CDYL: variants seen among roughly 807,000 people sequenced by gnomAD.
CDYL encodes the protein chromodomain Y-like protein.
Under a neutral mutation model 47.3 loss-of-function variants are expected in CDYL, and 8 were observed. The observed-to-expected ratio is 0.17, with a 90% CI of 0.10 to 0.31. The LOEUF is 0.31. Among genes scored for constraint, CDYL ranks in the 10% least tolerant of loss-of-function variants. The pLI is 1.00. For synonymous variants in CDYL, 266 were observed against 265.0 expected (o/e 1.00, Z -0.04); for missense variants, 471 against 701.4 (o/e 0.67, Z 3.71).
At chr6:4,887,326 T>G (rs1222250249) in intron 1 of CDYL, among the ~76,000 whole-genome samples, 1 of 152,224 alleles carries the variant, frequency 6.6e-6, no homozygotes, top group Non-Finnish European at 1.5e-5. Flanking sequence ...CCCAAATCCA[T>G]GAACATGGAA....
intron 1 of CDYL, among the ~76,000 whole-genome samples, chr6:4,882,258 G>A (rs908131292): frequency 3.9e-5 from 6 of 152,228 alleles, no homozygotes; most frequent in African/African-American, 1.4e-4. Flanking sequence ...GAGGAGGATG[G>A]GAGTCTCATG....
intron 5 of CDYL, among the ~76,000 whole-genome samples, chr6:4,951,372 C>T (rs1296895891): frequency 2.6e-5 from 4 of 151,988 alleles, no homozygotes; most frequent in Admixed American, 1.3e-4. Context: ...CGCCTTATCT[C>T]GGCATCTGTG....
At chr6:4,773,340 A>T (rs1041660399), upstream of CDYL, among the ~76,000 whole-genome samples, 1 of 152,066 alleles carries the variant, frequency 6.6e-6, no homozygotes, top group South Asian at 2.1e-4. This position sits in a 1 kb window ranked among gnomAD's most constrained non-coding sequence, Gnocchi z 4.6. Context: ...TGCTTAGGGG[A>T]TGTGATTTCA....
intron 3 of CDYL, among the ~76,000 whole-genome samples, chr6:4,763,776 C>G (rs1354384687): frequency 6.6e-6 from 1 of 152,146 alleles, no homozygotes; most frequent in East Asian, 1.9e-4. Context: ...AACCTCATCT[C>G]TACTAAAAAT....
intron 4 of CDYL, among the ~76,000 whole-genome samples, chr6:4,941,475 C>T (rs1758358994): frequency 6.6e-6 from 1 of 152,196 alleles, no homozygotes; most frequent in Non-Finnish European, 1.5e-5. Flanking sequence ...TTCAGAATGG[C>T]CAGTTCCCAT....
At chr6:4,780,321 C>T in intron 1 of CDYL, among the ~76,000 whole-genome samples, 1 of 150,066 alleles carries the variant, frequency 6.7e-6, no homozygotes, top group South Asian at 2.2e-4. Context: ...CAACCTCTGC[C>T]TCCCGGGTTC....
chr6:4,776,261 C>G (rs963123995), upstream of CDYL, among the ~76,000 whole-genome samples: 223 of 144,648 alleles, frequency 1.5e-3, 2 homozygotes, highest in Admixed American at 4.7e-3. Flanking sequence ...CCGAGCGGAG[C>G]CCACTGCTCC....
intron 4 of CDYL, among the ~76,000 whole-genome samples, chr6:4,942,020 A>G (rs1199007155): frequency 6.6e-6 from 1 of 152,206 alleles, no homozygotes; most frequent in Non-Finnish European, 1.5e-5. Flanking sequence ...CCATATCTTC[A>G]AAAGATGACA....
At chr6:4,829,531 C>T (rs1187654625) in intron 1 of CDYL, among the ~76,000 whole-genome samples, 1 of 152,198 alleles carries the variant, frequency 6.6e-6, no homozygotes, top group African/African-American at 2.4e-5. Context: ...TCTGAGCGTG[C>T]ATCTTGCCCT....
At chr6:4,831,176 T>A (rs1041676159) in intron 1 of CDYL, among the ~76,000 whole-genome samples, 1 of 152,168 alleles carries the variant, frequency 6.6e-6, no homozygotes, top group Admixed American at 6.5e-5. Flanking sequence ...GAGGAATTAA[T>A]GCCTAGGTTT....
At position 4,882,227 on chromosome 6, in the gene CDYL, C is replaced by T. The variant is rs541886242; in HGVS notation, c.25-9486C>T. ...GCAAGCTCACTTGTTAGCTTCTGTC[C>T]TCCTTGTGGTTTTTCTCAAAGAGGA... On this transcript the variant is annotated intron_variant, in intron 1 of 6. Transcript: ENST00000397588. 3.2e-4 allele frequency among the ~76,000 whole-genome samples: 48 copies of T among 152,300 alleles called. 1 individual carries two copies. In the South Asian group the frequency reaches 5.4e-3, roughly 17 times the overall value.
At chr6:4,734,644 A>C in intron 2 of CDYL, 1 of 1,345,172 alleles carries the variant, frequency 7.4e-7, no homozygotes, top group Non-Finnish European at 9.9e-7. Flanking sequence ...TAGACTCCTA[A>C]TTCAGGAAGG....
At chr6:4,726,719 A>G (rs1757521675) in intron 2 of CDYL, among the ~76,000 whole-genome samples, 1 of 151,976 alleles carries the variant, frequency 6.6e-6, no homozygotes, top group African/African-American at 2.4e-5. Flanking sequence ...AAAAAGTCGA[A>G]TAAATGTATC....
chr6:4,909,518 C>T (rs1424001680), intron 2 of CDYL, among the ~76,000 whole-genome samples: 2 of 152,196 alleles, frequency 1.3e-5, no homozygotes, highest in Admixed American at 1.3e-4. Flanking sequence ...TATTACTGCC[C>T]TGCTTAAGGG....
chr6:4,776,290 G>T (rs916264318), upstream of CDYL: 1 of 143,726 alleles, frequency 7.0e-6, no homozygotes, highest in African/African-American at 2.5e-5. Flanking sequence ...GCCCCGCCCC[G>T]CCGCCGCCCC....
chr6:4,947,770 A>G (rs937364346), intron 5 of CDYL, among the ~76,000 whole-genome samples: 6 of 152,162 alleles, frequency 3.9e-5, no homozygotes, highest in Non-Finnish European at 5.9e-5. Flanking sequence ...GCAGAAAGGA[A>G]GCAGGATTGG....
At chr6:4,809,180 G>A (rs1363749398) in intron 1 of CDYL, among the ~76,000 whole-genome samples, 1 of 152,138 alleles carries the variant, frequency 6.6e-6, no homozygotes, top group East Asian at 1.9e-4. Flanking sequence ...AAAAAAAAGA[G>A]CAGGTAGTAT....
chr6:4,922,668 G>A (rs75819046), intron 2 of CDYL, among the ~76,000 whole-genome samples: 1,953 of 152,326 alleles, frequency 0.013, 52 homozygotes, highest in East Asian at 0.083. Flanking sequence ...TTATTTATCT[G>A]TGTTAATTAC....
At chr6:4,953,662 G>A (rs1207400957) in intron 6 of CDYL, among the ~76,000 whole-genome samples, 3 of 152,204 alleles carry the variant, frequency 2.0e-5, no homozygotes, top group Non-Finnish European at 2.9e-5. Context: ...GCTGGGTGCC[G>A]ACAGCCCAGC....
Sources: allele counts gnomAD v4.1 joint callset (sites outside exome capture counted in the v4.1 genomes callset), GRCh38; gene constraint gnomAD v4.1.1; non-coding constraint Gnocchi (gnomAD v3.1); transcripts MANE v1.5; gene names NCBI Gene and HGNC (gene_info 2026-07-23, HGNC 2026-07-21).